Variants in MPHOSPH6 observed in about 807,000 individuals in gnomAD.
MPHOSPH6 encodes M-phase phosphoprotein 6.
Under a neutral mutation model 21.8 loss-of-function variants are expected in MPHOSPH6, and 25 were observed. That is an observed-to-expected ratio of 1.15 (90% confidence interval 0.83 to 1.60). The LOEUF (loss-of-function observed/expected upper bound fraction) is 1.60, where lower values mean the gene tolerates loss of function less well. Ranked by LOEUF, MPHOSPH6 falls within the 40% of genes most tolerant of loss-of-function variation. The pLI, the probability that MPHOSPH6 is intolerant of heterozygous loss-of-function variation, is 0.00. For synonymous variants in MPHOSPH6, 84 were observed against 56.5 expected (o/e 1.49, Z -2.18); for missense variants, 269 against 181.8 (o/e 1.48, Z -2.76).
intron 2 of MPHOSPH6, among the ~76,000 whole-genome samples, chr16:82,159,647 C>T (rs1191222529): frequency 3.3e-5 from 5 of 152,178 alleles, no homozygotes; most frequent in African/African-American, 1.2e-4. Flanking sequence ...ACGTCGTGAT[C>T]CGCCTGCCTC....
chr16:82,170,222 C>T lies in MPHOSPH6; in HGVS notation c.-47G>A, dbSNP rs755795293. The stretch of plus-strand genomic sequence containing the variant: ...CACTCCGGCCGCGAGCCTCACCGCA[C>T]ATGCGCGGAGCCGCGTGCGCAGCTG... On this transcript the variant is annotated 5_prime_UTR_variant, in exon 1 of 5. In the 5' UTR this introduces an upstream ATG that the reference lacks. Transcript: ENST00000258169. 6.4e-7 allele frequency: 1 copy of T among 1,553,702 alleles called. No homozygotes were observed. The highest frequency in any genetic ancestry group is 8.7e-7 in the Non-Finnish European group (1 of 1,152,066).
intron 2 of MPHOSPH6, among the ~76,000 whole-genome samples, chr16:82,152,200 C>G (rs1346927464): frequency 1.3e-5 from 2 of 152,126 alleles, no homozygotes; most frequent in Admixed American, 6.5e-5. Flanking sequence ...TGCACTTATA[C>G]ACAGATTTTT....
chr16:82,167,840 C>T (rs1018348223), intron 1 of MPHOSPH6, among the ~76,000 whole-genome samples: 1 of 152,164 alleles, frequency 6.6e-6, no homozygotes, highest in Non-Finnish European at 1.5e-5. Context: ...TGCTGTGCAG[C>T]CTGTTCCTTA....
At chr16:82,164,026 AG>A in intron 2 of MPHOSPH6, 55 bp downstream of exon 2, 2 of 1,172,268 alleles carry the variant, frequency 1.7e-6, no homozygotes, top group Non-Finnish European at 2.5e-6. Flanking sequence ...TAAATTTACC[AG>A]GAGTTTCCTT....
At chr16:82,165,442 T>C (rs1815970961) in intron 1 of MPHOSPH6, among the ~76,000 whole-genome samples, 1 of 152,022 alleles carries the variant, frequency 6.6e-6, no homozygotes, top group Non-Finnish European at 1.5e-5. Context: ...ATATTTCTCC[T>C]CCTTCTATTC....
At chr16:82,157,002 G>A (rs1052471884) in intron 2 of MPHOSPH6, among the ~76,000 whole-genome samples, 7 of 152,054 alleles carry the variant, frequency 4.6e-5, no homozygotes, top group Non-Finnish European at 8.8e-5. Context: ...AGTGAGCCGC[G>A]GTTGCGCCAG....
At chr16:82,167,752 G>A (rs569489547) in intron 1 of MPHOSPH6, among the ~76,000 whole-genome samples, 9 of 152,186 alleles carry the variant, frequency 5.9e-5, no homozygotes, top group African/African-American at 1.2e-4. Context: ...GCGGAGCTCA[G>A]GTGGTAATGC....
intron 2 of MPHOSPH6, chr16:82,163,838 G>A (rs1165096772): frequency 2.5e-6 from 1 of 393,706 alleles, no homozygotes; most frequent in African/African-American, 2.1e-5. Context: ...AGAGATATGT[G>A]GGCTAGGTTC....
intron 1 of MPHOSPH6, among the ~76,000 whole-genome samples, chr16:82,165,886 T>A (rs952066843): frequency 9.2e-5 from 14 of 152,188 alleles, no homozygotes; most frequent in Non-Finnish European, 2.1e-4. Flanking sequence ...ATGTGTTAAG[T>A]AACACATGAT....
chr16:82,154,279 A>C (rs757986825), intron 2 of MPHOSPH6, among the ~76,000 whole-genome samples: 1 of 152,224 alleles, frequency 6.6e-6, no homozygotes, highest in Non-Finnish European at 1.5e-5. Context: ...GAGTAGAGAC[A>C]ATTTAGCTAC....
intron 1 of MPHOSPH6, among the ~76,000 whole-genome samples, chr16:82,166,295 A>C (rs912192464): frequency 6.6e-6 from 1 of 152,252 alleles, no homozygotes; most frequent in East Asian, 1.9e-4. Flanking sequence ...CTGTGTGTAC[A>C]TCCTCATCCC....
In MPHOSPH6 at chr16:82,148,800, A is replaced by G. The variant is rs199892964; in HGVS notation, c.414T>C (p.Tyr138=). 1.5e-5 allele frequency: 25 copies of G among 1,614,074 alleles called. No individual in the cohort carries two copies. The highest frequency in any genetic ancestry group is 2.1e-5 in the Non-Finnish European group (25 of 1,180,008). The part of the protein sequence containing the change: ...KFARKRDHAN[Y]EEDENGDITP... ...TTATGTCTCCATTTTCATCTTCTTC[A>G]TAATTGGCATGGTCTCTCTTTCTGG... Residue 138 remains tyrosine (Y), a synonymous_variant, in exon 5 of 5, where the codon TAT becomes TAC. Transcript: ENST00000258169.
At chr16:82,158,010 A>T (rs1906483557) in intron 2 of MPHOSPH6, among the ~76,000 whole-genome samples, 1 of 152,214 alleles carries the variant, frequency 6.6e-6, no homozygotes, top group Non-Finnish European at 1.5e-5. Flanking sequence ...CATGAGTGAA[A>T]GCAGCAGTGA....
At chr16:82,165,327 C>T (rs56704220) in intron 1 of MPHOSPH6, among the ~76,000 whole-genome samples, 16,017 of 151,320 alleles carry the variant, frequency 0.11, 1,915 homozygotes, top group African/African-American at 0.29. Flanking sequence ...GGGTTCACCA[C>T]TTTGGCCAGG....
At chr16:82,169,416 C>G (rs1216316508) in intron 1 of MPHOSPH6, among the ~76,000 whole-genome samples, 1 of 152,190 alleles carries the variant, frequency 6.6e-6, no homozygotes, top group Non-Finnish European at 1.5e-5. Flanking sequence ...GCGAGACTCA[C>G]CCTCTTCTCC....
chr16:82,151,127 CATG>C (rs1906251047), intron 3 of MPHOSPH6: 2 of 209,996 alleles, frequency 9.5e-6, no homozygotes, highest in Non-Finnish European at 1.9e-5. Flanking sequence ...TTCATAATAG[CATG>C]ATATGAATAA....
rs1906144865 is a variant in MPHOSPH6 at position 82,148,213 on chromosome 16, C to T, written c.*518G>A. On this transcript the variant is annotated 3_prime_UTR_variant, in exon 5 of 5. Coordinates refer to ENST00000258169, the MANE Select transcript of MPHOSPH6 (RefSeq NM_005792.2). ...AGCAAATTTTTCTATCAATTCAATG[C>T]TTTAAATAAAACAACATAATACCAT... 1 of 152,124 alleles carries T rather than the reference C, an allele frequency of 6.6e-6. No individual in the cohort carries two copies. The allele number at this position is 152,124 out of a possible 1,614,324, so 9.4% of individuals were successfully genotyped here.
chr16:82,158,973 C>G (rs1043809953), intron 2 of MPHOSPH6, among the ~76,000 whole-genome samples: 3 of 152,168 alleles, frequency 2.0e-5, no homozygotes, highest in African/African-American at 7.2e-5. Context: ...ACAAGACAGA[C>G]CAAGACATGA....
intron 2 of MPHOSPH6, among the ~76,000 whole-genome samples, chr16:82,161,611 T>C (rs547482355): frequency 6.6e-6 from 1 of 152,302 alleles, no homozygotes; most frequent in South Asian, 2.1e-4. Context: ...GAGACAGACA[T>C]ATATGCAGAA....
Sources: allele counts gnomAD v4.1 joint callset (sites outside exome capture counted in the v4.1 genomes callset), GRCh38; gene constraint gnomAD v4.1.1; transcripts MANE v1.5; gene names NCBI Gene and HGNC (gene_info 2026-07-23, HGNC 2026-07-21).